The following FAM222B variants were observed in gnomAD, a reference collection of about 807,000 sequenced individuals.
The protein encoded by FAM222B is family with sequence similarity 222 member B.
FAM222B carries 12 observed loss-of-function variants against 38.0 expected under a neutral mutation model. The ratio of observed to expected loss-of-function variants is 0.32; its 90% CI spans 0.20 to 0.51. FAM222B has a LOEUF of 0.51. Ranked by LOEUF, FAM222B falls within the 20% of genes least tolerant of loss-of-function variation. The pLI is 0.97. For missense variants in FAM222B, 716 were observed against 754.2 expected (o/e 0.95, Z 0.59); for synonymous variants, 329 against 317.2 (o/e 1.04, Z -0.40).
intron 1 of FAM222B, among the ~76,000 whole-genome samples, chr17:28,813,042 AG>A (rs1555582938): frequency 1.9e-3 from 20 of 10,734 alleles, no homozygotes; most frequent in African/African-American, 7.0e-3. Context: ...GGGGGGGGGG[AG>A]GGGGGGGCGT....
At chr17:28,832,788 C>G (rs1034360008) in intron 1 of FAM222B, among the ~76,000 whole-genome samples, 7 of 151,856 alleles carry the variant, frequency 4.6e-5, no homozygotes, top group Non-Finnish European at 8.8e-5. Context: ...TGAATAACAG[C>G]AAGAAGGGGG....
chr17:28,829,586 G>C (rs2038585773), intron 1 of FAM222B, among the ~76,000 whole-genome samples: 1 of 152,152 alleles, frequency 6.6e-6, no homozygotes, highest in Non-Finnish European at 1.5e-5. Context: ...ATAGCCTTTT[G>C]AGTTTTGTTT....
At chr17:28,773,135 G>C (rs2035718567) in intron 1 of FAM222B, among the ~76,000 whole-genome samples, 1 of 152,032 alleles carries the variant, frequency 6.6e-6, no homozygotes, top group Non-Finnish European at 1.5e-5. Flanking sequence ...GGCATGAAAC[G>C]AACTGCTAAG....
chr17:28,829,305 C>G (rs1446934676), intron 1 of FAM222B, among the ~76,000 whole-genome samples: 1 of 151,774 alleles, frequency 6.6e-6, no homozygotes, highest in African/African-American at 2.4e-5. Context: ...ACCTCCGCCT[C>G]CCGGGTTCAA....
At chr17:28,823,362 ATT>A (rs35057595) in intron 1 of FAM222B, among the ~76,000 whole-genome samples, 11 of 139,634 alleles carry the variant, frequency 7.9e-5, no homozygotes, top group Admixed American at 3.6e-4. Context: ...ACTCCGTTCT[ATT>A]TTTTTTTTTT....
At chr17:28,808,267 G>C (rs1176465627) in intron 1 of FAM222B, among the ~76,000 whole-genome samples, 1 of 152,156 alleles carries the variant, frequency 6.6e-6, no homozygotes, top group African/African-American at 2.4e-5. Context: ...CCAACCATTT[G>C]ATCTAGGAGA....
At chr17:28,821,160 T>C (rs892057329) in intron 1 of FAM222B, among the ~76,000 whole-genome samples, 1 of 152,060 alleles carries the variant, frequency 6.6e-6, no homozygotes, top group Admixed American at 6.6e-5. Flanking sequence ...TTCACCATAT[T>C]GGCCAGGATG....
At chr17:28,782,012 A>G (rs1012608459) in intron 1 of FAM222B, among the ~76,000 whole-genome samples, 1 of 152,186 alleles carries the variant, frequency 6.6e-6, no homozygotes, top group Non-Finnish European at 1.5e-5. Flanking sequence ...CTGCACATAC[A>G]ATGGCAGTCC....
Position 28,759,400 on chromosome 17 carries a change from G to A in FAM222B, c.559C>T (p.Pro187Ser), listed in dbSNP as rs2151756847. The A allele has an allele frequency of 6.2e-7, 1 of 1,601,166 alleles. No homozygotes were observed. The highest frequency in any genetic ancestry group is 8.5e-7 in the Non-Finnish European group (1 of 1,175,064). The change falls in exon 3 of 3, where the codon CCT (proline) becomes TCT (serine). Residue 187 changes from proline (P) to serine (S), a missense_variant. By Grantham distance (74) the Pro-to-Ser change is moderately conservative. Transcript: ENST00000581407. The surrounding 1 kb of genome is among the most constrained non-coding windows in gnomAD (Gnocchi z 4.8). ...GIPPPQALSH[P>S]QSLQQPQGLG... ...CCCTGAGGCTGCTGGAGGCTCTGAG[G>A]GTGGGACAGTGCCTGGGGTGGCGGG...
chr17:28,780,422 T>C (rs1263498254), intron 1 of FAM222B, among the ~76,000 whole-genome samples: 6 of 151,898 alleles, frequency 4.0e-5, no homozygotes, highest in African/African-American at 9.7e-5. Flanking sequence ...AGTTAAGTAG[T>C]AGCATAAGGA....
rs1456759290 is a variant in FAM222B at position 28,783,149 on chromosome 17, A to C, written c.-40-16442T>G. Reference sequence around the variant, plus strand: ...CGAGACCCTGTCTCAAAAAAAAAAAAAAAAACAAACTCATTCCTAGACTGT... The same window carrying C: ...CGAGACCCTGTCTCAAAAAAAAAAACAAAAACAAACTCATTCCTAGACTGT... On this transcript the variant is annotated intron_variant, in intron 1 of 2. Coordinates refer to ENST00000581407, the MANE Select transcript of FAM222B (RefSeq NM_001077498.3). 4.6e-5 allele frequency among the ~76,000 whole-genome samples: 7 copies of C among 152,004 alleles called. No homozygotes were observed. In the South Asian group the frequency reaches 1.0e-3, roughly 23 times the overall value.
In FAM222B at chr17:28,758,644, C is replaced by T. The variant is rs771214836; in HGVS notation, c.1315G>A (p.Ala439Thr). The T allele has an allele frequency of 1.2e-6, 2 of 1,610,886 alleles. No individual in the cohort carries two copies. Among genetic ancestry groups the T allele is most frequent in the East Asian group, 4.5e-5 (2 of 44,820 alleles). The change falls in exon 3 of 3, where the codon GCA (alanine) becomes ACA (threonine). Residue 439 changes from alanine to threonine, a missense_variant. Coordinates refer to ENST00000581407, the MANE Select transcript of FAM222B (RefSeq NM_001077498.3). ...CCATTGGGGTAGGCCAATGGGGCTGCCATGCCGTTGACTGGTGGGGATGGG... is the reference window on the plus strand; with the variant it reads ...CCATTGGGGTAGGCCAATGGGGCTGTCATGCCGTTGACTGGTGGGGATGGG... ...PTPSPPVNGMAAPLAYPNGHY... is the reference protein window; with the variant it reads ...PTPSPPVNGMTAPLAYPNGHY...
At chr17:28,830,207 G>C (rs2038617287) in intron 1 of FAM222B, among the ~76,000 whole-genome samples, 1 of 142,472 alleles carries the variant, frequency 7.0e-6, no homozygotes, top group African/African-American at 2.6e-5. Flanking sequence ...TGTTGCCCAG[G>C]CTGGAGTGCA....
intron 1 of FAM222B, among the ~76,000 whole-genome samples, chr17:28,773,479 CAAAAAAA>C (rs66716142): frequency 1.8e-4 from 11 of 60,760 alleles, no homozygotes; most frequent in East Asian, 5.4e-4. Flanking sequence ...AACTCTGTCT[CAAAAAAA>C]AAAAAAAAAA....
intron 1 of FAM222B, among the ~76,000 whole-genome samples, chr17:28,850,620 T>C (rs1405518510): frequency 1.3e-5 from 2 of 152,068 alleles, no homozygotes; most frequent in Non-Finnish European, 2.9e-5. Flanking sequence ...TTCTTTAGAA[T>C]CCTTTGGTCA....
intron 1 of FAM222B, among the ~76,000 whole-genome samples, chr17:28,821,156 A>G (rs1000775912): frequency 6.6e-6 from 1 of 151,974 alleles, no homozygotes; most frequent in African/African-American, 2.4e-5. Flanking sequence ...GGGTTTCACC[A>G]TATTGGCCAG....
chr17:28,788,731 C>G (rs2036529530), intron 1 of FAM222B, among the ~76,000 whole-genome samples: 1 of 151,976 alleles, frequency 6.6e-6, no homozygotes, highest in Admixed American at 6.6e-5. Context: ...TTTGCCCTCC[C>G]TTTTAAAATT....
At chr17:28,770,929 T>G (rs1164775934) in intron 1 of FAM222B, among the ~76,000 whole-genome samples, 1 of 151,912 alleles carries the variant, frequency 6.6e-6, no homozygotes, top group Non-Finnish European at 1.5e-5. Flanking sequence ...ATGTCTATGA[T>G]TAAGAGGCAA....
At chr17:28,787,956 C>G (rs2036493849) in intron 1 of FAM222B, among the ~76,000 whole-genome samples, 1 of 151,678 alleles carries the variant, frequency 6.6e-6, no homozygotes, top group South Asian at 2.1e-4. Context: ...TCCCGAGTGG[C>G]TAGGATTACA....
Sources: gnomAD v4.1 joint callset for allele counts (sites outside exome capture counted in the v4.1 genomes callset) on GRCh38, gnomAD v4.1.1 for gene constraint, Gnocchi (gnomAD v3.1) non-coding constraint, MANE v1.5 for transcripts, NCBI Gene and HGNC (gene_info 2026-07-23, HGNC 2026-07-21) for gene names.